HDAC9: variants seen among roughly 807,000 people sequenced by gnomAD.
The protein encoded by HDAC9 is histone deacetylase 9.
Under a neutral mutation model 139.4 loss-of-function variants are expected in HDAC9, and 41 were observed. That is an observed-to-expected ratio of 0.29 (90% CI 0.23 to 0.38). HDAC9 has a LOEUF of 0.38. HDAC9 is among the 10% of genes least tolerant of loss of function. The pLI is 1.00. For missense variants in HDAC9, 1,147 were observed against 1,297.0 expected (o/e 0.88, Z 1.78); for synonymous variants, 517 against 476.2 (o/e 1.09, Z -1.12).
chr7:18,487,060 T>G (rs1424658162), intron 1 of HDAC9, among the ~76,000 whole-genome samples: 1 of 152,046 alleles, frequency 6.6e-6, no homozygotes, highest in Non-Finnish European at 1.5e-5. Context: ...GGCTTCTATC[T>G]CCCTTCTGTG....
At chr7:18,280,885 T>G (rs572015594) in intron 2 of HDAC9, among the ~76,000 whole-genome samples, 76 of 152,390 alleles carry the variant, frequency 5.0e-4, no homozygotes, top group African/African-American at 1.8e-3. Context: ...TTATTTATCA[T>G]GAGCACATCA....
intron 1 of HDAC9, among the ~76,000 whole-genome samples, chr7:18,111,243 A>G (rs758877051): frequency 2.6e-5 from 4 of 152,244 alleles, no homozygotes; most frequent in African/African-American, 9.6e-5. Context: ...TCTTCTGTCC[A>G]TTCTGGAACT....
chr7:18,829,883 G>A lies in HDAC9; in HGVS notation c.2466+335G>A, dbSNP rs561946205. Among the ~76,000 whole-genome samples, 75 of 152,182 alleles carry A rather than the reference G, an allele frequency of 4.9e-4. No homozygotes were observed. In the South Asian group the frequency reaches 0.016, roughly 32 times the overall value. Reference sequence around the variant, plus strand: ...CTACAGAATATAGACTCAATAGTCAGATGTGCTGGAAAGAATGCTGTTGCT... The same window carrying A: ...CTACAGAATATAGACTCAATAGTCAAATGTGCTGGAAAGAATGCTGTTGCT... On this transcript the variant is annotated intron_variant, in intron 19 of 25. Transcript: ENST00000686413.
chr7:18,128,763 G>A (rs1430362418), intron 1 of HDAC9, among the ~76,000 whole-genome samples: 1 of 151,422 alleles, frequency 6.6e-6, no homozygotes, highest in Non-Finnish European at 1.5e-5. Context: ...GGGTCTTTGT[G>A]CCATGTCTCT....
intron 14 of HDAC9, among the ~76,000 whole-genome samples, chr7:18,756,850 G>A (rs953005892): frequency 1.2e-4 from 18 of 151,582 alleles, no homozygotes; most frequent in African/African-American, 4.1e-4. Context: ...CTGCTTGATT[G>A]CCTCCTTCCT....
intron 1 of HDAC9, among the ~76,000 whole-genome samples, chr7:18,487,522 T>C (rs1188786235): frequency 6.6e-6 from 1 of 152,032 alleles, no homozygotes; most frequent in African/African-American, 2.4e-5. Context: ...AGTCCTGAAG[T>C]AGAGAAGATT....
chr7:18,214,548 T>G (rs1009720880), intron 2 of HDAC9, among the ~76,000 whole-genome samples: 1 of 152,144 alleles, frequency 6.6e-6, no homozygotes, highest in South Asian at 2.1e-4. Context: ...AAATCTCACT[T>G]TGATGCTTTT....
intron 1 of HDAC9, among the ~76,000 whole-genome samples, chr7:18,469,079 C>A (rs1388460591): frequency 1.3e-5 from 2 of 152,246 alleles, no homozygotes; most frequent in East Asian, 1.9e-4. Flanking sequence ...ATTGTGGTGG[C>A]CTCTGGGTTT....
At chr7:18,094,997 C>T (rs2731569) in intron 1 of HDAC9, among the ~76,000 whole-genome samples, 7 of 151,968 alleles carry the variant, frequency 4.6e-5, no homozygotes, top group African/African-American at 7.3e-5. Flanking sequence ...ATTTTTTCCA[C>T]GGATATGTTA....
chr7:18,763,950 T>A (rs1403128637), intron 15 of HDAC9, among the ~76,000 whole-genome samples: 1 of 152,144 alleles, frequency 6.6e-6, no homozygotes, highest in Non-Finnish European at 1.5e-5. Flanking sequence ...AAACAACCAT[T>A]GTTCCACATT....
intron 1 of HDAC9, among the ~76,000 whole-genome samples, chr7:18,354,004 C>T (rs1783061646): frequency 6.6e-6 from 1 of 151,986 alleles, no homozygotes; most frequent in East Asian, 1.9e-4. Flanking sequence ...CCAAGGGTGG[C>T]TTTACCCTTT....
intron 13 of HDAC9, among the ~76,000 whole-genome samples, chr7:18,731,704 C>CA (rs1786061668): frequency 6.6e-6 from 1 of 152,182 alleles, no homozygotes; most frequent in Non-Finnish European, 1.5e-5. Context: ...TGGCTCACCA[C>CA]AACCTCCGCC....
intron 21 of HDAC9, among the ~76,000 whole-genome samples, chr7:18,836,439 C>A (rs896776521): frequency 6.6e-6 from 1 of 152,146 alleles, no homozygotes; most frequent in African/African-American, 2.4e-5. Flanking sequence ...GGAGCTCACT[C>A]ATTTTCATGA....
At chr7:18,711,802 A>G (rs898561770) in intron 12 of HDAC9, among the ~76,000 whole-genome samples, 2 of 152,118 alleles carry the variant, frequency 1.3e-5, no homozygotes, top group African/African-American at 4.8e-5. Flanking sequence ...AGTTCTTTCT[A>G]CTTCTTCCTG....
intron 1 of HDAC9, among the ~76,000 whole-genome samples, chr7:18,340,213 G>A (rs1026101301): frequency 1.7e-4 from 26 of 151,454 alleles, no homozygotes; most frequent in African/African-American, 6.3e-4. Context: ...ATTAGTGTTA[G>A]CATAGTATAT....
chr7:18,786,616 TCCCTCCCTCCCTC>T (rs1791801717), intron 16 of HDAC9, among the ~76,000 whole-genome samples: 2 of 48,538 alleles, frequency 4.1e-5, no homozygotes, highest in African/African-American at 1.4e-4. Flanking sequence ...CTTCCTTCCT[TCCCTCCCTCCCTC>T]CTTCCTTCCT....
In HDAC9 at chr7:18,721,712, G is replaced by A. The variant is rs1164772163; in HGVS notation, c.1732-5868G>A. Among the ~76,000 whole-genome samples the A allele has an allele frequency of 4.6e-5, 7 of 152,034 alleles. No individual in the cohort carries two copies. In the East Asian group the frequency reaches 7.7e-4, roughly 17 times the overall value. On this transcript the variant is annotated intron_variant, in intron 12 of 25. Transcript: ENST00000686413. ...GAAGCTATACATTTGGTCCCTGTGCGATAGCAACAAGAAAGCAAAGCAAAA... is the reference window on the plus strand; with the variant it reads ...GAAGCTATACATTTGGTCCCTGTGCAATAGCAACAAGAAAGCAAAGCAAAA...
intron 12 of HDAC9, chr7:18,667,837 T>C (rs1562830637): frequency 2.0e-6 from 2 of 984,216 alleles, no homozygotes; most frequent in Non-Finnish European, 2.4e-6. Flanking sequence ...TCCTTCATAT[T>C]CCCTTTTGAT....
At chr7:18,179,272 A>G (rs1789196389) in intron 2 of HDAC9, among the ~76,000 whole-genome samples, 1 of 152,204 alleles carries the variant, frequency 6.6e-6, no homozygotes, top group Non-Finnish European at 1.5e-5. Context: ...GTGGGGTATC[A>G]TCCACTAACA....
Sources: gnomAD v4.1 joint callset for allele counts (sites outside exome capture counted in the v4.1 genomes callset) on GRCh38, gnomAD v4.1.1 for gene constraint, MANE v1.5 for transcripts, NCBI Gene and HGNC (gene_info 2026-07-23, HGNC 2026-07-21) for gene names.